UTP18: variants seen among roughly 807,000 people sequenced by gnomAD.
UTP18 encodes the protein U3 small nucleolar RNA-associated protein 18 homolog.
Under a neutral mutation model 61.1 loss-of-function variants are expected in UTP18, and 36 were observed. The observed-to-expected ratio is 0.59, with a 90% CI of 0.45 to 0.78. The LOEUF (loss-of-function observed/expected upper bound fraction) is 0.78. Among genes scored for constraint, UTP18 ranks in the 30% least tolerant of loss-of-function variants. The pLI is 0.00. For synonymous variants in UTP18, 282 were observed against 251.1 expected (o/e 1.12, Z -1.16); for missense variants, 753 against 693.9 (o/e 1.09, Z -0.96).
chr17:51,276,873 C>T (rs542672246), intron 6 of UTP18, among the ~76,000 whole-genome samples: 1 of 152,318 alleles, frequency 6.6e-6, no homozygotes, highest in Non-Finnish European at 1.5e-5. Context: ...TCCGTGCCTT[C>T]TCAGGGCACG....
chr17:51,288,732 C>T, intron 11 of UTP18: 2 of 411,124 alleles, frequency 4.9e-6, no homozygotes, highest in Non-Finnish European at 9.6e-6. Context: ...ACTTCCAGGA[C>T]TCTGCATATG....
intron 5 of UTP18, among the ~76,000 whole-genome samples, 185 bp downstream of exon 5, chr17:51,273,635 GTATTATGTTCC>G (rs1904609748): frequency 6.6e-6 from 1 of 151,018 alleles, no homozygotes; most frequent in South Asian, 2.1e-4. Context: ...TGTTCTAGAG[GTATTATGTTCC>G]TATTGCTTGA....
intron 11 of UTP18, among the ~76,000 whole-genome samples, chr17:51,291,749 A>G (rs9893020): frequency 0.14 from 21,369 of 150,690 alleles, 2,865 homozygotes; most frequent in African/African-American, 0.35. Flanking sequence ...AAAAAAAAAA[A>G]AAAAGAAAAG....
At chr17:51,293,039 A>G (rs1409667491) in intron 11 of UTP18, among the ~76,000 whole-genome samples, 3 of 152,234 alleles carry the variant, frequency 2.0e-5, no homozygotes, top group Admixed American at 6.5e-5. Context: ...AGTTATGTAA[A>G]ATCAGACTTT....
chr17:51,276,111 C>T (rs576256774), intron 6 of UTP18, 120 bp downstream of exon 6: 11 of 1,007,406 alleles, frequency 1.1e-5, no homozygotes, highest in Admixed American at 3.3e-5. Context: ...CATCATAGCC[C>T]GAAGCATAGC....
At chr17:51,288,957 GA>G (rs1251064617) in intron 11 of UTP18, among the ~76,000 whole-genome samples, 1 of 152,216 alleles carries the variant, frequency 6.6e-6, no homozygotes, top group Non-Finnish European at 1.5e-5. Flanking sequence ...ACTCATTGCA[GA>G]AGGTTTTTAT....
In UTP18 at chr17:51,268,882, T is replaced by A; in HGVS notation, c.600T>A (p.Thr200=). The part of the protein sequence containing the change: ...MGGVPAWAET[T]KRKTSSDDES... ...GAGTACCTGCCTGGGCAGAGACTAC[T>A]AAGCGGAAAACATCTTCAGATGGTG... Residue 200 remains threonine, a synonymous_variant, in exon 4 of 14, where the codon ACT becomes ACA. Transcript: ENST00000225298. 6.2e-7 allele frequency: 1 copy of A among 1,614,008 alleles called. No homozygotes were observed. Among genetic ancestry groups the A allele is most frequent in the Non-Finnish European group, 8.5e-7 (1 of 1,179,894 alleles).
chr17:51,281,538 A>G (rs572500386), intron 9 of UTP18, among the ~76,000 whole-genome samples: 1 of 152,300 alleles, frequency 6.6e-6, no homozygotes, highest in Admixed American at 6.5e-5. Flanking sequence ...AATCGTAGAA[A>G]TAGAGAATAG....
chr17:51,288,527 T>G (rs1271702559), intron 11 of UTP18: 1 of 464,332 alleles, frequency 2.2e-6, no homozygotes, highest in East Asian at 6.7e-5. Context: ...ACAATTTTCT[T>G]TCCTCATTTA....
intron 4 of UTP18, among the ~76,000 whole-genome samples, chr17:51,272,157 G>C (rs532690556): frequency 1.3e-5 from 2 of 151,986 alleles, no homozygotes; most frequent in South Asian, 4.2e-4. Flanking sequence ...GGAGTGCAGT[G>C]GCGCAATCTC....
At chr17:51,287,202 C>T (rs1012630906) in intron 10 of UTP18, among the ~76,000 whole-genome samples, 11 of 152,136 alleles carry the variant, frequency 7.2e-5, no homozygotes, top group African/African-American at 2.7e-4. Flanking sequence ...ATACTAGTAG[C>T]TTAAACTCAT....
chr17:51,289,062 T>C (rs1905181605), intron 11 of UTP18, among the ~76,000 whole-genome samples: 1 of 152,210 alleles, frequency 6.6e-6, no homozygotes, highest in Non-Finnish European at 1.5e-5. Context: ...CCACATTGTT[T>C]GTACAAACAG....
At chr17:51,294,918 T>C (rs1410525265) in intron 12 of UTP18, among the ~76,000 whole-genome samples, 2 of 152,174 alleles carry the variant, frequency 1.3e-5, no homozygotes, top group Non-Finnish European at 2.9e-5. Flanking sequence ...GATGGTATCT[T>C]ATTGTGGTTT....
At chr17:51,296,887 G>A (rs769836728) in intron 12 of UTP18, 78 bp from the exon 13 acceptor site, 184 of 1,372,672 alleles carry the variant, frequency 1.3e-4, no homozygotes, top group Non-Finnish European at 1.7e-4. Context: ...ATCTTCCTAA[G>A]TGCCCTTCTG....
rs1454766245 is a variant in UTP18, at chr17:51,288,014, C to G, written c.1329-15C>G. 6.5e-7 allele frequency: 1 copy of G among 1,547,022 alleles called. No individual in the cohort carries two copies. The highest frequency in any genetic ancestry group is 8.7e-7 in the Non-Finnish European group (1 of 1,153,240). Reference sequence around the variant, plus strand: ...ACTTGGTTTTTAATCTATTTTAATCCTTTTCTCTTTGTAGTTCTAATTGTG... The same window carrying G: ...ACTTGGTTTTTAATCTATTTTAATCGTTTTCTCTTTGTAGTTCTAATTGTG... On this transcript the variant is annotated splice_polypyrimidine_tract_variant and intron_variant, in intron 10 of 13. Coordinates refer to ENST00000225298, the MANE Select transcript of UTP18 (RefSeq NM_016001.3).
At chr17:51,274,612 T>G (rs1013015110) in intron 5 of UTP18, among the ~76,000 whole-genome samples, 10 of 152,028 alleles carry the variant, frequency 6.6e-5, no homozygotes, top group African/African-American at 1.4e-4. Flanking sequence ...TGGCTAATTT[T>G]TTTTTGTTTT....
rs140248846 is a variant in UTP18, at chr17:51,279,941, A to G, written c.1013-64A>G. ...TAAAAAGTAAGAAACTCATTTGTCA[A>G]TAGATGATAGTTTTATTGAAAACTA... On this transcript the variant is annotated intron_variant, in intron 7 of 13. Transcript: ENST00000225298. 72 of 1,296,132 alleles carry G rather than the reference A, an allele frequency of 5.6e-5. No homozygotes were observed. In the East Asian group the frequency reaches 1.6e-3, roughly 28 times the overall value. 80.3% of individuals were successfully genotyped at this position (1,296,132 alleles called of 1,614,324 possible). A position where few individuals can be genotyped will look rare whatever the true frequency, so the allele number is the denominator to read the frequency against.
chr17:51,269,025 G>A (rs1185711615), intron 4 of UTP18, 121 bp downstream of exon 4: 15 of 959,284 alleles, frequency 1.6e-5, no homozygotes, highest in East Asian at 5.6e-5. Flanking sequence ...GGTAGCTCAC[G>A]CCTGTCATCC....
chr17:51,266,098 C>T, intron 2 of UTP18, 84 bp from the exon 3 acceptor site: 1 of 1,031,940 alleles, frequency 9.7e-7, no homozygotes. Flanking sequence ...TTTCATTAAA[C>T]ATTTTTCTCC....
Sources: allele counts gnomAD v4.1 joint callset (sites outside exome capture counted in the v4.1 genomes callset), GRCh38; gene constraint gnomAD v4.1.1; transcripts MANE v1.5; gene names NCBI Gene and HGNC (gene_info 2026-07-23, HGNC 2026-07-21).